The following SIPA1L1 variants were observed in gnomAD, a reference collection of about 807,000 sequenced individuals.
SIPA1L1 encodes signal-induced proliferation-associated 1-like protein 1.
A neutral mutation model predicts 162.7 loss-of-function variants in SIPA1L1; 26 were observed. The ratio of observed to expected loss-of-function variants is 0.16; its 90% confidence interval spans 0.12 to 0.22. The LOEUF (loss-of-function observed/expected upper bound fraction) is 0.22. Ranked by LOEUF, SIPA1L1 falls within the 10% of genes least tolerant of loss-of-function variation. SIPA1L1 has a pLI of 1.00. For missense variants in SIPA1L1, 1,874 were observed against 2,241.0 expected (o/e 0.84, Z 3.31); for synonymous variants, 829 against 837.4 (o/e 0.99, Z 0.17).
chr14:71,674,252 C>T (rs17095029), intron 12 of SIPA1L1, among the ~76,000 whole-genome samples: 5,361 of 152,020 alleles, frequency 0.035, 158 homozygotes, highest in African/African-American at 0.063. Context: ...GGTTTATATG[C>T]GGGAAAGGAG....
intron 13 of SIPA1L1, among the ~76,000 whole-genome samples, chr14:71,691,794 A>T (rs191677631): frequency 2.4e-4 from 36 of 152,260 alleles, no homozygotes; most frequent in Admixed American, 1.2e-3. Flanking sequence ...TCCTCTGACA[A>T]GTCGCCTTTA....
chr14:71,459,795 T>C (rs1333834737), intron 2 of SIPA1L1, among the ~76,000 whole-genome samples: 2 of 152,182 alleles, frequency 1.3e-5, no homozygotes, highest in African/African-American at 2.4e-5. Context: ...CTTACAGATA[T>C]ACACAGCATG....
chr14:71,407,651 C>T (rs1566983131), intron 2 of SIPA1L1, among the ~76,000 whole-genome samples: 1 of 152,124 alleles, frequency 6.6e-6, no homozygotes, highest in Non-Finnish European at 1.5e-5. Flanking sequence ...GGACTACAGG[C>T]GTGTGCCACC....
intron 2 of SIPA1L1, among the ~76,000 whole-genome samples, chr14:71,358,396 T>A (rs12894478): frequency 6.6e-6 from 1 of 152,136 alleles, no homozygotes; most frequent in Non-Finnish European, 1.5e-5. Context: ...ATAAATTTGC[T>A]CATACATAAC....
At chr14:71,456,656 C>G (rs1240290467) in intron 2 of SIPA1L1, among the ~76,000 whole-genome samples, 2 of 152,168 alleles carry the variant, frequency 1.3e-5, no homozygotes, top group African/African-American at 2.4e-5. Context: ...TATTTTCAGA[C>G]AAAACAGAAT....
intron 2 of SIPA1L1, among the ~76,000 whole-genome samples, chr14:71,482,708 A>C (rs765614089): frequency 3.3e-5 from 5 of 152,172 alleles, no homozygotes; most frequent in Non-Finnish European, 4.4e-5. Context: ...AAGCTTTCTG[A>C]ATGATCTTAT....
intron 13 of SIPA1L1, among the ~76,000 whole-genome samples, chr14:71,692,326 C>T (rs1256951244): frequency 2.6e-5 from 4 of 152,116 alleles, no homozygotes; most frequent in Non-Finnish European, 4.4e-5. Context: ...AAGTATATTG[C>T]TGGTAGAGCT....
At chr14:71,453,370 C>T (rs974074528) in intron 2 of SIPA1L1, among the ~76,000 whole-genome samples, 2 of 152,076 alleles carry the variant, frequency 1.3e-5, no homozygotes, top group Non-Finnish European at 2.9e-5. Context: ...CTCGAGCAGT[C>T]CTCCCACCTC....
chr14:71,496,904 G>T (rs1365117939), intron 2 of SIPA1L1, among the ~76,000 whole-genome samples: 1 of 152,144 alleles, frequency 6.6e-6, no homozygotes, highest in African/African-American at 2.4e-5. Flanking sequence ...GGGCGCGGTG[G>T]CTCACGCCTG....
intron 4 of SIPA1L1, among the ~76,000 whole-genome samples, chr14:71,579,406 C>T (rs1406071415): frequency 6.6e-6 from 1 of 151,934 alleles, no homozygotes. Flanking sequence ...CTTCCCTGTT[C>T]AAACCTGTGT....
At chr14:71,523,318 A>T (rs772470784) in intron 3 of SIPA1L1, among the ~76,000 whole-genome samples, 2 of 151,958 alleles carry the variant, frequency 1.3e-5, no homozygotes, top group Non-Finnish European at 2.9e-5. Flanking sequence ...GATGAAAGTT[A>T]TGACTCAGAA....
intron 2 of SIPA1L1, among the ~76,000 whole-genome samples, chr14:71,479,977 G>A (rs941039803): frequency 2.6e-5 from 4 of 152,040 alleles, no homozygotes; most frequent in Non-Finnish European, 5.9e-5. Flanking sequence ...GGGCTCAAGC[G>A]ATCCTCCAGC....
chr14:71,354,191 A>G (rs1174960036), intron 2 of SIPA1L1, among the ~76,000 whole-genome samples: 1 of 152,162 alleles, frequency 6.6e-6, no homozygotes, highest in Non-Finnish European at 1.5e-5. Flanking sequence ...TTAATCTTGC[A>G]ATAAGATTGC....
intron 7 of SIPA1L1, among the ~76,000 whole-genome samples, chr14:71,634,913 G>C (rs1012700086): frequency 6.6e-6 from 1 of 151,468 alleles, no homozygotes; most frequent in African/African-American, 2.4e-5. Flanking sequence ...TCCAGCCTGG[G>C]CAACAGAGTG....
chr14:71,735,124 T>C (rs1411726361), intron 21 of SIPA1L1, among the ~76,000 whole-genome samples, 153 bp from the exon 22 acceptor site: 1 of 152,168 alleles, frequency 6.6e-6, no homozygotes, highest in Non-Finnish European at 1.5e-5. Context: ...AACAGTCATA[T>C]TTTTCCCTGT....
Position 71,540,970 on chromosome 14 carries a change from GA to G in SIPA1L1, c.-303+11608del, listed in dbSNP as rs1461470861. Reference sequence around the variant, plus strand: ...GGTGAAACCCCAACTCTACTAAAAAGAAAAAAAATTAGCCAGACGTGGTGGC... The same window carrying G: ...GGTGAAACCCCAACTCTACTAAAAAGAAAAAAATTAGCCAGACGTGGTGGC... On this transcript the variant is annotated intron_variant, in intron 4 of 23. Transcript: ENST00000381232. 3.3e-5 allele frequency among the ~76,000 whole-genome samples: 5 copies of G among 151,692 alleles called. No homozygotes were observed. The South Asian group carries it at 8.3e-4, about 25-fold the overall frequency.
chr14:71,670,491 A>T (rs1442459374), intron 10 of SIPA1L1, among the ~76,000 whole-genome samples: 1 of 152,252 alleles, frequency 6.6e-6, no homozygotes, highest in Non-Finnish European at 1.5e-5. Context: ...TGTTGCTATT[A>T]CATAAAGATT....
intron 2 of SIPA1L1, among the ~76,000 whole-genome samples, chr14:71,405,558 G>T (rs1203855889): frequency 5.9e-5 from 9 of 152,198 alleles, no homozygotes; most frequent in Admixed American, 4.6e-4. Context: ...GAAAGAGAAT[G>T]CCCCTTCTGG....
At chr14:71,569,889 T>C (rs1420331662) in intron 4 of SIPA1L1, among the ~76,000 whole-genome samples, 1 of 152,210 alleles carries the variant, frequency 6.6e-6, no homozygotes, top group Non-Finnish European at 1.5e-5. Flanking sequence ...CTGCTTTCTT[T>C]AGACACTACT....
Sources: allele counts gnomAD v4.1 joint callset (sites outside exome capture counted in the v4.1 genomes callset), GRCh38; gene constraint gnomAD v4.1.1; transcripts MANE v1.5; gene names NCBI Gene and HGNC (gene_info 2026-07-23, HGNC 2026-07-21).